Variants in HTR1F observed in about 807,000 individuals in gnomAD.
HTR1F encodes the protein 5-hydroxytryptamine receptor 1F, also known as 5-hydroxytryptamine (serotonin) receptor 1F, G protein-coupled.
A neutral mutation model predicts 24.0 loss-of-function variants in HTR1F; 17 were observed. The observed-to-expected ratio is 0.71, with a 90% CI of 0.48 to 1.06. The LOEUF (loss-of-function observed/expected upper bound fraction) is 1.06. Ranked by LOEUF, HTR1F falls within the 50% of genes least tolerant of loss-of-function variation. HTR1F has a pLI of 0.00. For synonymous variants in HTR1F, 186 were observed against 156.8 expected (o/e 1.19, Z -1.39); for missense variants, 391 against 427.8 (o/e 0.91, Z 0.76).
At chr3:87,903,579 C>A (rs1401162946) in intron 2 of HTR1F, among the ~76,000 whole-genome samples, 3 of 150,642 alleles carry the variant, frequency 2.0e-5, no homozygotes, top group Non-Finnish European at 4.4e-5. Context: ...AATGAGATAC[C>A]ATCTCACACC....
At chr3:87,887,806 A>G (rs1436055177) in intron 2 of HTR1F, among the ~76,000 whole-genome samples, 4 of 152,240 alleles carry the variant, frequency 2.6e-5, no homozygotes. Context: ...CGATCATTAA[A>G]AAGTCAGGAA....
chr3:87,936,565 G>A (rs1394416145), intron 2 of HTR1F, among the ~76,000 whole-genome samples: 3 of 152,038 alleles, frequency 2.0e-5, no homozygotes, highest in African/African-American at 7.2e-5. Flanking sequence ...AGATACCACA[G>A]ACTGGAGGTA....
intron 2 of HTR1F, among the ~76,000 whole-genome samples, chr3:87,840,651 A>G (rs1248007115): frequency 6.7e-6 from 1 of 150,094 alleles, no homozygotes; most frequent in Non-Finnish European, 1.5e-5. Flanking sequence ...ACACCCCCAT[A>G]TTTACTGCAG....
chr3:87,964,135 T>C (rs1705117255), intron 2 of HTR1F, among the ~76,000 whole-genome samples: 1 of 152,098 alleles, frequency 6.6e-6, no homozygotes, highest in Non-Finnish European at 1.5e-5. Context: ...TTTAACTCAA[T>C]TATCACAGGT....
At position 87,931,653 on chromosome 3, in the gene HTR1F, A is replaced by G. The variant is rs138320799; in HGVS notation, c.-42-59055A>G. On this transcript the variant is annotated intron_variant, in intron 2 of 2. Coordinates refer to ENST00000319595, the MANE Select transcript of HTR1F (RefSeq NM_001322209.2). ...ACTTCCACAATGGTTGAACTAGTTT[A>G]CAGTCCCACCAACAGTGTAAAAGTG... Among the ~76,000 whole-genome samples the G allele has an allele frequency of 8.4e-3, 1,275 of 152,174 alleles. 26 individuals are homozygous for G. The highest frequency in any genetic ancestry group is 0.03 in the African/African-American group (1,232 of 41,474).
chr3:87,958,548 T>C lies in HTR1F; in HGVS notation c.-42-32160T>C, dbSNP rs535869293. On this transcript the variant is annotated intron_variant, in intron 2 of 2. Coordinates refer to ENST00000319595, the MANE Select transcript of HTR1F (RefSeq NM_001322209.2). ...ATTAATTCTAAACAAACACTCTTTGTTTACTCAGGAAGCTAACCTAGTCTC... is the reference window on the plus strand; with the variant it reads ...ATTAATTCTAAACAAACACTCTTTGCTTACTCAGGAAGCTAACCTAGTCTC... Among the ~76,000 whole-genome samples, 5 of 151,696 alleles carry C rather than the reference T, an allele frequency of 3.3e-5. No homozygotes were observed. The South Asian group carries it at 1.0e-3, about 31-fold the overall frequency.
At chr3:87,933,683 C>A (rs1704340862) in intron 2 of HTR1F, among the ~76,000 whole-genome samples, 1 of 152,132 alleles carries the variant, frequency 6.6e-6, no homozygotes, top group Non-Finnish European at 1.5e-5. Context: ...AATTACAAAC[C>A]ACTGCTCAAT....
intron 2 of HTR1F, among the ~76,000 whole-genome samples, chr3:87,912,758 A>C (rs1703808222): frequency 6.6e-6 from 1 of 152,106 alleles, no homozygotes; most frequent in Non-Finnish European, 1.5e-5. Context: ...CCAATGGAAC[A>C]GAGTGGAGAG....
At chr3:87,856,113 T>C (rs1415507814) in intron 2 of HTR1F, among the ~76,000 whole-genome samples, 1 of 152,088 alleles carries the variant, frequency 6.6e-6, no homozygotes, top group Non-Finnish European at 1.5e-5. Context: ...TCACATAACC[T>C]TTATTATAAT....
chr3:87,882,796 G>C (rs907256413), intron 2 of HTR1F, among the ~76,000 whole-genome samples: 1 of 151,818 alleles, frequency 6.6e-6, no homozygotes, highest in Non-Finnish European at 1.5e-5. Flanking sequence ...CATGGCACAT[G>C]TATACATATG....
chr3:87,882,408 A>T (rs539510808), intron 2 of HTR1F, among the ~76,000 whole-genome samples: 2 of 152,224 alleles, frequency 1.3e-5, no homozygotes, highest in Admixed American at 6.5e-5. Flanking sequence ...ATATGCACAC[A>T]TATGTTTATT....
intron 2 of HTR1F, among the ~76,000 whole-genome samples, chr3:87,869,233 T>C (rs1705492115): frequency 6.6e-6 from 1 of 152,068 alleles, no homozygotes; most frequent in Non-Finnish European, 1.5e-5. Flanking sequence ...TATATTAATA[T>C]GTCCAGCTAA....
chr3:87,973,584 T>C (rs1705332636), intron 2 of HTR1F, among the ~76,000 whole-genome samples: 2 of 152,234 alleles, frequency 1.3e-5, no homozygotes, highest in African/African-American at 4.8e-5. Context: ...TAGGCTACTT[T>C]AGAGTATAAA....
intron 2 of HTR1F, among the ~76,000 whole-genome samples, chr3:87,835,395 C>A (rs1463473219): frequency 6.6e-6 from 1 of 151,918 alleles, no homozygotes; most frequent in Non-Finnish European, 1.5e-5. Context: ...AGCATTAAAC[C>A]CCAATCGGGG....
At chr3:87,961,498 AC>A (rs1705059197) in intron 2 of HTR1F, among the ~76,000 whole-genome samples, 1 of 152,062 alleles carries the variant, frequency 6.6e-6, no homozygotes, top group African/African-American at 2.4e-5. Context: ...TTCGTGGCTC[AC>A]ATTTATAATC....
intron 2 of HTR1F, among the ~76,000 whole-genome samples, chr3:87,917,790 T>G (rs1703928122): frequency 6.6e-6 from 1 of 151,780 alleles, no homozygotes; most frequent in African/African-American, 2.4e-5. Flanking sequence ...TACCAGACAT[T>G]CAAAGATAAA....
At chr3:87,849,793 C>A (rs932849890) in intron 2 of HTR1F, among the ~76,000 whole-genome samples, 8 of 151,824 alleles carry the variant, frequency 5.3e-5, no homozygotes, top group Non-Finnish European at 8.8e-5. Flanking sequence ...AAAAAGTGGG[C>A]GAAAGATATG....
At chr3:87,878,592 G>A (rs190568949) in intron 2 of HTR1F, among the ~76,000 whole-genome samples, 171 of 152,110 alleles carry the variant, frequency 1.1e-3, no homozygotes, top group African/African-American at 4.0e-3. Context: ...AAATTAGGAG[G>A]CATTGTGCTC....
In HTR1F at chr3:87,950,033, G is replaced by A. The variant is rs1358987971; in HGVS notation, c.-42-40675G>A. 3.9e-5 allele frequency among the ~76,000 whole-genome samples: 6 copies of A among 152,186 alleles called. 1 individual carries two copies. The highest frequency in any genetic ancestry group is 1.3e-4 in the Admixed American group (2 of 15,278). On this transcript the variant is annotated intron_variant, in intron 2 of 2. Coordinates refer to ENST00000319595, the MANE Select transcript of HTR1F (RefSeq NM_001322209.2). ...CACAGCAGAGAAAGTCAAAGGGGAA[G>A]CAGGCATCTATGAGGAGGAACCAAA...
Sources: allele counts gnomAD v4.1 joint callset (sites outside exome capture counted in the v4.1 genomes callset), GRCh38; gene constraint gnomAD v4.1.1; transcripts MANE v1.5; gene names NCBI Gene and HGNC (gene_info 2026-07-23, HGNC 2026-07-21).